Variants in CNIH3 observed in about 807,000 individuals in gnomAD.
CNIH3 encodes the protein cornichon family AMPA receptor auxiliary protein 3.
Under a neutral mutation model 24.1 loss-of-function variants are expected in CNIH3, and 14 were observed. That is an observed-to-expected ratio of 0.58 (90% CI 0.38 to 0.91). The LOEUF (loss-of-function observed/expected upper bound fraction) is 0.91, where lower values mean the gene tolerates loss of function less well. CNIH3 is among the 40% of genes least tolerant of loss of function. CNIH3 has a pLI of 0.00. For missense variants in CNIH3, 178 were observed against 196.8 expected, an observed-to-expected ratio of 0.90 and a Z score of 0.57; for synonymous variants, 68 against 73.8, an observed-to-expected ratio of 0.92 and a Z score of 0.40.
chr1:224,450,111 C>T (rs1024189887), intron 1 of CNIH3, among the ~76,000 whole-genome samples: 1 of 152,140 alleles, frequency 6.6e-6, no homozygotes, highest in Non-Finnish European at 1.5e-5. Flanking sequence ...ATTTTTTGAG[C>T]ACTTGCTATA....
chr1:224,557,238 G>C (rs1024528161), intron 3 of CNIH3, among the ~76,000 whole-genome samples: 1 of 152,026 alleles, frequency 6.6e-6, no homozygotes, highest in African/African-American at 2.4e-5. Context: ...TGTAGAGATA[G>C]GGTGTTGCTG....
At chr1:224,693,401 C>G (rs535349588) in intron 3 of CNIH3, among the ~76,000 whole-genome samples, 2 of 152,206 alleles carry the variant, frequency 1.3e-5, no homozygotes, top group Non-Finnish European at 2.9e-5. Context: ...AACCAGCTTA[C>G]AGCAACCATA....
chr1:224,701,905 A>C (rs1357811216), intron 3 of CNIH3, among the ~76,000 whole-genome samples: 1 of 152,224 alleles, frequency 6.6e-6, no homozygotes, highest in Non-Finnish European at 1.5e-5. Flanking sequence ...TAAAAATAAT[A>C]TGTTCATATT....
At chr1:224,708,797 A>G (rs552295947) in intron 3 of CNIH3, among the ~76,000 whole-genome samples, 1 of 152,130 alleles carries the variant, frequency 6.6e-6, no homozygotes, top group Non-Finnish European at 1.5e-5. Context: ...ACAGGTGTTC[A>G]TGCGCCTTCT....
intron 2 of CNIH3, among the ~76,000 whole-genome samples, chr1:224,533,281 G>C (rs961909931): frequency 1.3e-5 from 2 of 151,442 alleles, no homozygotes; most frequent in Admixed American, 1.3e-4. Flanking sequence ...GCTGAGAGTA[G>C]TGGCGCGCCC....
intron 1 of CNIH3, among the ~76,000 whole-genome samples, chr1:224,494,236 A>C (rs1572992): frequency 0.83 from 126,032 of 152,144 alleles, 52,657 homozygotes; most frequent in East Asian, 0.97. Flanking sequence ...GATCTTGTAT[A>C]ATTTTCATAC....
intron 1 of CNIH3, among the ~76,000 whole-genome samples, chr1:224,456,311 T>C (rs1444580445): frequency 6.6e-6 from 1 of 152,230 alleles, no homozygotes; most frequent in Non-Finnish European, 1.5e-5. Context: ...GAATCCTGTC[T>C]GATCCCTTCC....
At chr1:224,600,750 T>C (rs968222541) in intron 3 of CNIH3, among the ~76,000 whole-genome samples, 1 of 152,340 alleles carries the variant, frequency 6.6e-6, no homozygotes, top group Non-Finnish European at 1.5e-5. Flanking sequence ...ACCACCGATG[T>C]AACTGTATTT....
At chr1:224,607,006 G>A (rs1403249609) in intron 3 of CNIH3, among the ~76,000 whole-genome samples, 1 of 152,208 alleles carries the variant, frequency 6.6e-6, no homozygotes, top group Non-Finnish European at 1.5e-5. Context: ...AGGTGATTTA[G>A]CCAGCACACA....
chr1:224,592,222 C>A (rs189191888), downstream of CNIH3, among the ~76,000 whole-genome samples: 10 of 152,064 alleles, frequency 6.6e-5, no homozygotes, highest in African/African-American at 1.9e-4. Context: ...CTGTTTCAGG[C>A]GTCCTTTACA....
intron 2 of CNIH3, among the ~76,000 whole-genome samples, chr1:224,683,742 T>C (rs1339923940): frequency 1.3e-5 from 2 of 152,246 alleles, no homozygotes; most frequent in African/African-American, 2.4e-5. Flanking sequence ...TTTAAAGTAA[T>C]GGTAGATGTT....
At chr1:224,536,089 G>A (rs1190334331) in intron 2 of CNIH3, among the ~76,000 whole-genome samples, 1 of 152,096 alleles carries the variant, frequency 6.6e-6, no homozygotes, top group African/African-American at 2.4e-5. Context: ...GTCCCCAGCA[G>A]GGATGAGGAT....
chr1:224,566,785 T>G (rs1331907602), intron 4 of CNIH3, among the ~76,000 whole-genome samples: 1 of 152,238 alleles, frequency 6.6e-6, no homozygotes, highest in Non-Finnish European at 1.5e-5. Flanking sequence ...ATATTTGGGT[T>G]GATTCCAAGT....
chr1:224,457,048 C>T (rs566065467), intron 1 of CNIH3, among the ~76,000 whole-genome samples: 2 of 152,238 alleles, frequency 1.3e-5, no homozygotes, highest in South Asian at 4.1e-4. Context: ...CTGGATGTGG[C>T]GAGGGGAGAC....
At chr1:224,710,889 A>G (rs1688101076) in intron 3 of CNIH3, among the ~76,000 whole-genome samples, 1 of 152,214 alleles carries the variant, frequency 6.6e-6, no homozygotes, top group Admixed American at 6.5e-5. Context: ...CTGGATTTTT[A>G]AAAGCATCTT....
intron 1 of CNIH3, among the ~76,000 whole-genome samples, chr1:224,474,279 A>C (rs1489601362): frequency 6.6e-6 from 1 of 151,526 alleles, no homozygotes; most frequent in Non-Finnish European, 1.5e-5. Flanking sequence ...CAGAAGAATC[A>C]CTTGCACCCA....
intron 3 of CNIH3, among the ~76,000 whole-genome samples, chr1:224,725,897 A>G (rs961548872): frequency 3.9e-5 from 6 of 152,218 alleles, no homozygotes; most frequent in Admixed American, 1.3e-4. Context: ...CCACCACAGT[A>G]GTAAAAATAA....
chr1:224,603,063 G>A (rs1217495325), intron 3 of CNIH3, among the ~76,000 whole-genome samples: 1 of 152,214 alleles, frequency 6.6e-6, no homozygotes, highest in Non-Finnish European at 1.5e-5. Context: ...GTATTTAAAG[G>A]GGAAAAGCAG....
chr1:224,526,472 G>A (rs1397523943), intron 2 of CNIH3, among the ~76,000 whole-genome samples: 1 of 152,102 alleles, frequency 6.6e-6, no homozygotes, highest in Non-Finnish European at 1.5e-5. Flanking sequence ...GGAGCTGCTC[G>A]TGCCTGAGCT....
Sources: gnomAD v4.1 joint callset for allele counts (sites outside exome capture counted in the v4.1 genomes callset) on GRCh38, gnomAD v4.1.1 for gene constraint, MANE v1.5 for transcripts, NCBI Gene and HGNC (gene_info 2026-07-23, HGNC 2026-07-21) for gene names.